The following FAT1 variants were observed in gnomAD, a reference collection of about 807,000 sequenced individuals.
FAT1 encodes FAT atypical cadherin 1, also known as protocadherin Fat 1.
FAT1 carries 171 observed loss-of-function variants against 329.8 expected under a neutral mutation model. That is an observed-to-expected ratio of 0.52 (90% CI 0.46 to 0.59). FAT1 has a LOEUF of 0.59. FAT1 is among the 20% of genes least tolerant of loss of function. The probability of loss-of-function intolerance (pLI) is 0.00; values close to 1 mark genes in which losing one functional copy is unlikely to be tolerated. For missense variants in FAT1, 5,672 were observed against 5,774.4 expected, an observed-to-expected ratio of 0.98 and a Z score of 0.57; for synonymous variants, 2,233 against 2,228.6, an observed-to-expected ratio of 1.00 and a Z score of -0.06.
At chr4:186,591,885 C>T (rs905602575) in intron 26 of FAT1, among the ~76,000 whole-genome samples, 2 of 152,176 alleles carry the variant, frequency 1.3e-5, no homozygotes, top group African/African-American at 2.4e-5. Flanking sequence ...TCTATGATGA[C>T]GTCTGTGTAC....
intron 15 of FAT1, 141 bp downstream of exon 15, chr4:186,609,660 C>T: frequency 3.1e-6 from 2 of 645,786 alleles, no homozygotes; most frequent in South Asian, 3.8e-5. Flanking sequence ...AGTCAGCAAT[C>T]AGTTGGCCTA....
chr4:186,652,068 TA>T (rs1371202380), intron 3 of FAT1, among the ~76,000 whole-genome samples: 2 of 152,198 alleles, frequency 1.3e-5, no homozygotes, highest in Non-Finnish European at 2.9e-5. Context: ...ACGACTAGTC[TA>T]AAGTCACATG....
chr4:186,638,893 GACAGAGAGA>G (rs1207405037), intron 4 of FAT1, among the ~76,000 whole-genome samples: 1 of 151,760 alleles, frequency 6.6e-6, no homozygotes, highest in African/African-American at 2.4e-5. Flanking sequence ...TTCCACACGG[GACAGAGAGA>G]TGTCTCTACG....
chr4:186,597,732 G>A lies in FAT1; in HGVS notation c.12318C>T (p.Asp4106=), dbSNP rs757044814. 1.9e-6 allele frequency: 3 copies of A among 1,613,726 alleles called. No homozygotes were observed. The African/African-American group carries it at 4.0e-5, about 22-fold the overall frequency. Residue 4106 remains aspartate, a synonymous_variant, in exon 24 of 27, where the codon GAC becomes GAT. Transcript: ENST00000441802. ...ACTGACAAACGGCGCCATCCAAACT[G>A]TCAAAGCATGTTCCGCCATTCTTAC... The part of the protein sequence containing the change: ...EPCKNGGTCF[D]SLDGAVCQCD...
rs569237912 is a variant in FAT1 at position 186,674,717 on chromosome 4, T to C, written c.3266-11104A>G. 5.3e-5 allele frequency among the ~76,000 whole-genome samples: 8 copies of C among 152,324 alleles called. No homozygotes were observed. In the South Asian group the frequency reaches 1.7e-3, roughly 32 times the overall value. On this transcript the variant is annotated intron_variant, in intron 2 of 26. Transcript: ENST00000441802. The stretch of plus-strand genomic sequence containing the variant: ...CACTGCTCTCTATTTAGGAAGTTAC[T>C]GTGTTTATCATATCTTCTTTATGTA...
chr4:186,706,911 T>C lies in FAT1; in HGVS notation c.2917A>G (p.Asn973Asp), dbSNP rs1331265830. ...CCACTGAGTTTATCCACATCGAAGT[T>C]TCCTTCTCCGTGGTCCAGAAGGCTG... is the stretch of plus-strand genomic sequence containing the variant. The part of the protein sequence containing the change: ...RYSLLDHGEG[N>D]FDVDKLSGAV... Residue 973 changes from asparagine to aspartate, a missense_variant, in exon 2 of 27, where the codon AAC becomes GAC. Transcript: ENST00000441802. 6.2e-7 allele frequency: 1 copy of C among 1,613,830 alleles called. No homozygotes were observed. Among genetic ancestry groups the C allele is most frequent in the African/African-American group, 1.3e-5 (1 of 74,902 alleles).
At position 186,708,679 on chromosome 4, in the gene FAT1, G is replaced by T. The variant is rs779375165; in HGVS notation, c.1149C>A (p.Asn383Lys). ...RAEISEFAPP[N>K]TPVVMVKAIP... Reference sequence around the variant, plus strand: ...TGGCCTTTACCATGACCACAGGTGTGTTGGGAGGAGCAAATTCACTTATTT... The same window carrying T: ...TGGCCTTTACCATGACCACAGGTGTTTTGGGAGGAGCAAATTCACTTATTT... Residue 383 changes from asparagine (N) to lysine (K), a missense_variant, in exon 2 of 27, where the codon AAC becomes AAA. This residue lies in a region of FAT1 where 3,966 missense variants were observed against 3,915.2 expected (regional missense o/e 1.01). Coordinates refer to ENST00000441802, the MANE Select transcript of FAT1 (RefSeq NM_005245.4). 5 of 1,613,754 alleles carry T rather than the reference G, an allele frequency of 3.1e-6. No individual in the cohort carries two copies. The African/African-American group carries it at 6.7e-5, about 22-fold the overall frequency.
chr4:186,601,814 T>A (rs1738831075), intron 20 of FAT1: 1 of 160,402 alleles, frequency 6.2e-6, no homozygotes, highest in Non-Finnish European at 1.4e-5. Flanking sequence ...ATGTCATCAA[T>A]CTCCACAGAT....
chr4:186,602,375 C>A lies in FAT1; in HGVS notation c.11482+528G>T, dbSNP rs1280104. Among the ~76,000 whole-genome samples the A allele has an allele frequency of 7.8e-3, 1,185 of 152,238 alleles. 10 individuals are homozygous for A. Among genetic ancestry groups the A allele is most frequent in the African/African-American group, 0.026 (1,100 of 41,530 alleles). ...ATACACCGTATAGAAATGAACGCAT[C>A]AGTATGTAAAGATACATGTATAAAG... On this transcript the variant is annotated intron_variant, in intron 20 of 26. Coordinates refer to ENST00000441802, the MANE Select transcript of FAT1 (RefSeq NM_005245.4).
chr4:186,684,687 A>G (rs1743383290), intron 2 of FAT1, among the ~76,000 whole-genome samples: 1 of 140,174 alleles, frequency 7.1e-6, no homozygotes, highest in Non-Finnish European at 1.6e-5. Flanking sequence ...AAAAAAACCC[A>G]AACTCCCTTT....
At chr4:186,711,992 A>G (rs1744982855) in intron 1 of FAT1, among the ~76,000 whole-genome samples, 1 of 149,482 alleles carries the variant, frequency 6.7e-6, no homozygotes, top group African/African-American at 2.6e-5. Flanking sequence ...TAGGAGTCAC[A>G]TTATGTTTTA....
At chr4:186,710,376 T>C (rs1369921992) in intron 1 of FAT1, among the ~76,000 whole-genome samples, 1 of 152,220 alleles carries the variant, frequency 6.6e-6, no homozygotes, top group East Asian at 1.9e-4. Context: ...GCTTGTAATC[T>C]CATTTCAAAA....
intron 17 of FAT1, among the ~76,000 whole-genome samples, chr4:186,605,377 G>A (rs1219265189): frequency 3.5e-5 from 5 of 143,682 alleles, no homozygotes; most frequent in African/African-American, 1.3e-4. Context: ...GGAGGGAGGA[G>A]GAGAAAGAGT....
At chr4:186,706,181 T>C (rs974179213) in intron 2 of FAT1, among the ~76,000 whole-genome samples, 1 of 152,204 alleles carries the variant, frequency 6.6e-6, no homozygotes. Flanking sequence ...GTTCTAAGTA[T>C]GAGCCTGCAA....
chr4:186,636,469 G>T, intron 5 of FAT1, 116 bp downstream of exon 5: 2 of 1,143,074 alleles, frequency 1.7e-6, no homozygotes, highest in Non-Finnish European at 1.3e-6. Flanking sequence ...GGGGCCAGCA[G>T]GTCACAAACA....
intron 22 of FAT1, 70 bp from the exon 23 acceptor site, chr4:186,598,195 G>T: frequency 1.5e-6 from 2 of 1,353,856 alleles, no homozygotes; most frequent in Non-Finnish European, 2.0e-6. Flanking sequence ...TAATTATATT[G>T]CTTTTTATCT....
chr4:186,637,414 G>A lies in FAT1; in HGVS notation c.3643-500C>T, dbSNP rs551637321. Among the ~76,000 whole-genome samples, 22 of 152,222 alleles carry A rather than the reference G, an allele frequency of 1.4e-4. No individual in the cohort carries two copies. In the East Asian group the frequency reaches 3.3e-3, roughly 23 times the overall value. On this transcript the variant is annotated intron_variant, in intron 4 of 26. Coordinates refer to ENST00000441802, the MANE Select transcript of FAT1 (RefSeq NM_005245.4). ...GCTAAATTGTCATTTTAAAGTATGT[G>A]TTAAATAAATAGTACACCTTTTAAT...
At position 186,620,531 on chromosome 4, in the gene FAT1, G is replaced by C. The variant is rs770891696; in HGVS notation, c.6055C>G (p.Pro2019Ala). The C allele has an allele frequency of 6.2e-7, 1 of 1,613,972 alleles. No homozygotes were observed. Among genetic ancestry groups the C allele is most frequent in the Non-Finnish European group, 8.5e-7 (1 of 1,179,896 alleles). The change falls in exon 10 of 27, where the codon CCA (proline) becomes GCA (alanine). Residue 2019 changes from proline to alanine, a missense_variant. This residue lies in a region of FAT1 where 3,966 missense variants were observed against 3,915.2 expected (regional missense o/e 1.01). Coordinates refer to ENST00000441802, the MANE Select transcript of FAT1 (RefSeq NM_005245.4). ...NEPLFYHILN[P>A]DRRFKISRTS... ...CGGCTTATTTTAAATCTGCGATCTG[G>C]GTTGAGGATGTGATAAAACAAAGGC...
At position 186,611,690 on chromosome 4, in the gene FAT1, T is replaced by C. The variant is rs1739454993; in HGVS notation, c.9549A>G (p.Leu3183=). 6.8e-6 allele frequency: 11 copies of C among 1,605,950 alleles called. No homozygotes were observed. Among genetic ancestry groups the C allele is most frequent in the Non-Finnish European group, 8.5e-6 (10 of 1,175,658 alleles). ...GGAGTTCTCTGTCCAAAGGTTTTTC[T>C]AACTGAATAATTCCAGATAATTCGT... is the stretch of plus-strand genomic sequence containing the variant. The part of the protein sequence containing the change: ...SINELSGIIQ[L]EKPLDRELQA... Residue 3183 remains leucine (L), a synonymous_variant, in exon 14 of 27, where the codon TTA becomes TTG. Transcript: ENST00000441802.
Sources: gnomAD v4.1 joint callset for allele counts (sites outside exome capture counted in the v4.1 genomes callset) on GRCh38, gnomAD v4.1.1 for gene constraint, gnomAD v4.1.1 regional missense constraint, MANE v1.5 for transcripts, NCBI Gene and HGNC (gene_info 2026-07-23, HGNC 2026-07-21) for gene names.